CNGB3: variants seen among roughly 807,000 people sequenced by gnomAD.
CNGB3 encodes the protein cyclic nucleotide gated channel subunit beta 3.
In CNGB3, 86 loss-of-function variants were observed where a neutral mutation model predicts 92.8. The ratio of observed to expected loss-of-function variants is 0.93; its 90% CI spans 0.78 to 1.11. The LOEUF is 1.11. Among genes scored for constraint, CNGB3 ranks in the 50% least tolerant of loss-of-function variants. CNGB3 has a pLI of 0.00. For synonymous variants in CNGB3, 333 were observed against 332.7 expected, an observed-to-expected ratio of 1.00 and a Z score of -0.01; for missense variants, 1,026 against 956.8, an observed-to-expected ratio of 1.07 and a Z score of -0.95.
chr8:86,590,282 A>T (rs1311560061), intron 15 of CNGB3, among the ~76,000 whole-genome samples: 1 of 151,488 alleles, frequency 6.6e-6, no homozygotes, highest in Non-Finnish European at 1.5e-5. Flanking sequence ...ATGGGTCTTG[A>T]CTCTTTATCC....
In CNGB3 at chr8:86,668,015, A is replaced by G. The variant is rs768302515; in HGVS notation, c.643+4T>C. 1 of 1,614,004 alleles carries G rather than the reference A, an allele frequency of 6.2e-7. No homozygotes were observed. Among genetic ancestry groups the G allele is most frequent in the Non-Finnish European group, 8.5e-7 (1 of 1,179,960 alleles). On this transcript the variant is annotated splice_donor_region_variant and intron_variant, in intron 5 of 17. Coordinates refer to ENST00000320005, the MANE Select transcript of CNGB3 (RefSeq NM_019098.5). ...CACTATGATAATTCACCCTTTGATA[A>G]TACCTGTGTATGAATCTATGCTGTT...
intron 15 of CNGB3, among the ~76,000 whole-genome samples, chr8:86,602,322 A>C (rs954798361): frequency 1.3e-5 from 2 of 152,202 alleles, no homozygotes; most frequent in African/African-American, 4.8e-5. Flanking sequence ...AGGAGAAAAA[A>C]ATTAAAAAGA....
At chr8:86,661,208 T>C in intron 6 of CNGB3, 1 of 294,292 alleles carries the variant, frequency 3.4e-6, no homozygotes. Flanking sequence ...ACAAAATATA[T>C]TCTATGCTTT....
intron 16 of CNGB3, 97 bp downstream of exon 16, chr8:86,579,009 T>A (rs553009559): frequency 1.3e-6 from 2 of 1,563,550 alleles, no homozygotes; most frequent in African/African-American, 2.7e-5. Context: ...CTCACTGTGA[T>A]CAAGTTTATC....
At chr8:86,617,676 A>G (rs1249901769) in intron 13 of CNGB3, among the ~76,000 whole-genome samples, 1 of 152,180 alleles carries the variant, frequency 6.6e-6, no homozygotes, top group Non-Finnish European at 1.5e-5. Context: ...AGTAAAAATC[A>G]TCTTCGTCAA....
At chr8:86,707,931 G>C (rs1206851420) in intron 3 of CNGB3, 1 of 152,248 alleles carries the variant, frequency 6.6e-6, no homozygotes, top group Non-Finnish European at 1.5e-5. Context: ...GTTGAGCAAA[G>C]AGAAGAATGA....
At chr8:86,644,005 T>C in intron 9 of CNGB3, 132 bp from the exon 10 acceptor site, 5 of 866,092 alleles carry the variant, frequency 5.8e-6, no homozygotes, top group Non-Finnish European at 7.2e-6. Context: ...CTCTCATTAG[T>C]ACAGTACAAA....
At chr8:86,715,757 G>T (rs1344787103) in intron 3 of CNGB3, among the ~76,000 whole-genome samples, 4 of 141,822 alleles carry the variant, frequency 2.8e-5, no homozygotes, top group Non-Finnish European at 6.0e-5. Flanking sequence ...CATGATATAG[G>T]ATATAAAAGG....
intron 7 of CNGB3, among the ~76,000 whole-genome samples, chr8:86,653,302 T>A (rs991286424): frequency 2.0e-5 from 3 of 152,024 alleles, no homozygotes; most frequent in African/African-American, 7.2e-5. Flanking sequence ...TATGTGGCAA[T>A]ATTTAATAAA....
intron 3 of CNGB3, among the ~76,000 whole-genome samples, chr8:86,724,455 A>C (rs182045095): frequency 6.6e-6 from 1 of 152,120 alleles, no homozygotes; most frequent in Non-Finnish European, 1.5e-5. Context: ...AGCAAATCCA[A>C]TATGTTTGGA....
intron 6 of CNGB3, among the ~76,000 whole-genome samples, chr8:86,665,840 C>A (rs948127880): frequency 7.2e-5 from 11 of 152,238 alleles, no homozygotes; most frequent in South Asian, 6.2e-4. Flanking sequence ...ACCTCAGCAT[C>A]ACCCAAGATA....
chr8:86,639,691 G>C (rs531042369), intron 10 of CNGB3, among the ~76,000 whole-genome samples: 1 of 152,102 alleles, frequency 6.6e-6, no homozygotes, highest in Admixed American at 6.6e-5. Flanking sequence ...AGGAGAAATT[G>C]ATGTTAAAAA....
intron 3 of CNGB3, among the ~76,000 whole-genome samples, chr8:86,694,080 AC>A (rs71275874): frequency 9.5e-6 from 1 of 105,584 alleles, no homozygotes; most frequent in Non-Finnish European, 2.0e-5. Flanking sequence ...GGGGGGGCTG[AC>A]CCCCCCACCT....
rs137946628 is a variant in CNGB3, at chr8:86,579,595, C to T, written c.1782-343G>A. ...TTCAGATCCACTTTTCACCTCTCCCCATGCTCCTTTGTTTCCCAGGAAGCT... is the reference window on the plus strand; with the variant it reads ...TTCAGATCCACTTTTCACCTCTCCCTATGCTCCTTTGTTTCCCAGGAAGCT... On this transcript the variant is annotated intron_variant, in intron 15 of 17. Coordinates refer to ENST00000320005, the MANE Select transcript of CNGB3 (RefSeq NM_019098.5). 2.6e-5 allele frequency among the ~76,000 whole-genome samples: 4 copies of T among 152,322 alleles called. No homozygotes were observed. The East Asian group carries it at 7.7e-4, about 29-fold the overall frequency.
At chr8:86,660,922 C>T (rs1823628718) in intron 6 of CNGB3, 2 of 290,146 alleles carry the variant, frequency 6.9e-6, no homozygotes, top group East Asian at 1.8e-4. Flanking sequence ...TACTCCTACC[C>T]CAGAAAAGGC....
At chr8:86,739,548 A>T in intron 2 of CNGB3, 107 bp downstream of exon 2, 1 of 1,523,990 alleles carries the variant, frequency 6.6e-7, no homozygotes, top group Non-Finnish European at 8.9e-7. Flanking sequence ...ATGACCCTAG[A>T]TAATTCACCT....
In CNGB3 at chr8:86,588,869, G is replaced by T. The variant is rs1310220746; in HGVS notation, c.1782-9617C>A. Among the ~76,000 whole-genome samples, 376 of 151,886 alleles carry T rather than the reference G, an allele frequency of 2.5e-3. 5 individuals carry two copies. Among genetic ancestry groups the T allele is most frequent in the Non-Finnish European group, 3.5e-4 (24 of 67,996 alleles). ...TGGCCTCATAAAATGAGTTAGAGAG[G>T]ATTCCCTCTTTTTCTATTGATTGGA... On this transcript the variant is annotated intron_variant, in intron 15 of 17. Coordinates refer to ENST00000320005, the MANE Select transcript of CNGB3 (RefSeq NM_019098.5).
chr8:86,711,823 C>A lies in CNGB3; in HGVS notation c.338+14708G>T, dbSNP rs867315350. ...TCTAGCAGGTAGTTTACCACTCTCT[C>A]TCTCTCTCTCTCTATATATATATAT... On this transcript the variant is annotated intron_variant, in intron 3 of 17. Transcript: ENST00000320005. Among the ~76,000 whole-genome samples the A allele has an allele frequency of 9.3e-3, 1,144 of 123,382 alleles. 13 individuals are homozygous for A. The highest frequency in any genetic ancestry group is 0.033 in the African/African-American group (1,081 of 32,792). The allele number at this position is 123,382 out of a possible 152,430, so 80.9% of individuals were successfully genotyped here.
intron 6 of CNGB3, among the ~76,000 whole-genome samples, chr8:86,662,966 G>A (rs1310916336): frequency 1.3e-5 from 2 of 152,198 alleles, no homozygotes; most frequent in African/African-American, 2.4e-5. Context: ...AAAAGGGTAA[G>A]TTTAGTTTCT....
Sources: allele counts gnomAD v4.1 joint callset (sites outside exome capture counted in the v4.1 genomes callset), GRCh38; gene constraint gnomAD v4.1.1; transcripts MANE v1.5; gene names NCBI Gene and HGNC (gene_info 2026-07-23, HGNC 2026-07-21).